The following ATG13 variants were observed in gnomAD, a reference collection of about 807,000 sequenced individuals.
The protein encoded by ATG13 is autophagy-related protein 13.
ATG13 carries 23 observed loss-of-function variants against 65.5 expected under a neutral mutation model. The ratio of observed to expected loss-of-function variants is 0.35; its 90% CI spans 0.25 to 0.50. The LOEUF (loss-of-function observed/expected upper bound fraction) is 0.50, where lower values mean the gene tolerates loss of function less well. Ranked by LOEUF, ATG13 falls within the 20% of genes least tolerant of loss-of-function variation. The pLI is 0.98. For missense variants in ATG13, 566 were observed against 677.0 expected (o/e 0.84, Z 1.82); for synonymous variants, 252 against 245.2 (o/e 1.03, Z -0.26).
chr11:46,657,358 G>A, intron 9 of ATG13, 166 bp from the exon 10 acceptor site: 1 of 926,678 alleles, frequency 1.1e-6, no homozygotes, highest in Non-Finnish European at 1.7e-6. Flanking sequence ...GTGTCCCAGA[G>A]CCAGTTTGTC....
intron 1 of ATG13, among the ~76,000 whole-genome samples, chr11:46,622,098 T>TATATATATATATATATATATAC (rs2047782514): frequency 7.7e-5 from 5 of 64,528 alleles, no homozygotes; most frequent in Non-Finnish European, 6.2e-5. Context: ...TATATATATA[T>TATATATATATATATATATATAC]ATATATATAT....
At chr11:46,660,103 C>G (rs1254955390) in intron 11 of ATG13, 1 of 152,240 alleles carries the variant, frequency 6.6e-6, no homozygotes, top group Non-Finnish European at 1.5e-5. Context: ...GCCAAGGCTG[C>G]TTTGGCTAAA....
chr11:46,645,496 ATAAG>A (rs1471440419), intron 4 of ATG13, 77 bp downstream of exon 4: 34 of 1,191,236 alleles, frequency 2.9e-5, no homozygotes, highest in Non-Finnish European at 3.9e-5. Flanking sequence ...AAGTGCAATA[ATAAG>A]TAATACCATT....
chr11:46,654,283 TTATATATATA>T (rs376147806), intron 7 of ATG13, among the ~76,000 whole-genome samples: 1 of 122,316 alleles, frequency 8.2e-6, no homozygotes. Flanking sequence ...TTTTAAAATT[TTATATATATA>T]TATATATATA....
At position 46,656,989 on chromosome 11, in the gene ATG13, T is replaced by A. The variant is rs1011560301; in HGVS notation, c.500-106T>A. The A allele has an allele frequency of 7.7e-6, 7 of 905,332 alleles. No individual in the cohort carries two copies. The African/African-American group carries it at 1.1e-4, about 15-fold the overall frequency. 56.1% of individuals were successfully genotyped at this position (905,332 alleles called of 1,614,324 possible). A position where few individuals can be genotyped will look rare whatever the true frequency, so the allele number is the denominator to read the frequency against. Reference sequence around the variant, plus strand: ...TGCTGCACTTAACATGCTAAGTGGATAATGCCAGAGATTACACAATAGGCC... The same window carrying A: ...TGCTGCACTTAACATGCTAAGTGGAAAATGCCAGAGATTACACAATAGGCC... On this transcript the variant is annotated intron_variant, in intron 8 of 18. Transcript: ENST00000683050.
chr11:46,646,996 G>A (rs937552103), intron 5 of ATG13, among the ~76,000 whole-genome samples: 2 of 152,086 alleles, frequency 1.3e-5, no homozygotes, highest in African/African-American at 4.8e-5. Flanking sequence ...CTGAGCTCAA[G>A]CGATCTGCCT....
intron 1 of ATG13, among the ~76,000 whole-genome samples, chr11:46,623,796 A>G (rs1366594841): frequency 6.6e-6 from 1 of 151,936 alleles, no homozygotes; most frequent in Non-Finnish European, 1.5e-5. Context: ...TTGGAAGAAT[A>G]TTACAGTGAA....
At chr11:46,638,996 ATTTT>A (rs527655119) in intron 2 of ATG13, among the ~76,000 whole-genome samples, 2 of 146,282 alleles carry the variant, frequency 1.4e-5, no homozygotes, top group African/African-American at 2.6e-5. Flanking sequence ...TTATTTATTT[ATTTT>A]TTTTTGAGAA....
chr11:46,644,708 A>T (rs958033313), intron 3 of ATG13, among the ~76,000 whole-genome samples: 1 of 152,078 alleles, frequency 6.6e-6, no homozygotes, highest in Non-Finnish European at 1.5e-5. Flanking sequence ...CATTTTGGAC[A>T]TCTTTCCTTA....
chr11:46,650,907 A>C (rs999189894), intron 7 of ATG13, among the ~76,000 whole-genome samples: 1 of 152,134 alleles, frequency 6.6e-6, no homozygotes, highest in Non-Finnish European at 1.5e-5. Flanking sequence ...CCCGGCCTGG[A>C]AGTCAAGACT....
rs932700641 is a variant in ATG13, at chr11:46,674,257, T to G, written c.*1925T>G. On this transcript the variant is annotated 3_prime_UTR_variant, in exon 19 of 19. Coordinates refer to ENST00000683050, the MANE Select transcript of ATG13 (RefSeq NM_001346311.2). ...ACCAGGGCTCCATCTGTGAAGAGTC[T>G]CAGCCATGACTTTGAGCTGAGCTTG... The G allele has an allele frequency of 1.4e-4, 21 of 152,288 alleles. No individual in the cohort carries two copies. The highest frequency in any genetic ancestry group is 2.9e-5 in the Non-Finnish European group (2 of 68,150). 9.4% of individuals were successfully genotyped at this position (152,288 alleles called of 1,614,324 possible). A position where few individuals can be genotyped will look rare whatever the true frequency, so the allele number is the denominator to read the frequency against.
chr11:46,649,544 A>G (rs1025332141), intron 6 of ATG13, among the ~76,000 whole-genome samples: 1 of 152,220 alleles, frequency 6.6e-6, no homozygotes, highest in Non-Finnish European at 1.5e-5. Flanking sequence ...CCATCCAATA[A>G]GATTTCCCCT....
rs201126071 is a variant in ATG13 at position 46,634,062 on chromosome 11, A to AT, written c.-14+3963dup. On this transcript the variant is annotated intron_variant, in intron 2 of 18. Transcript: ENST00000683050. ...CCTCTGATCGCCTTTTTGAAGTCACATAACCTATTTTCTCAGCTGAGTTTG... is the reference window on the plus strand; with the variant it reads ...CCTCTGATCGCCTTTTTGAAGTCACATTAACCTATTTTCTCAGCTGAGTTTG... Among the ~76,000 whole-genome samples, 958 of 151,896 alleles carry AT rather than the reference A, an allele frequency of 6.3e-3. 10 individuals are homozygous for AT. Among genetic ancestry groups the AT allele is most frequent in the African/African-American group, 0.015 (633 of 41,428 alleles).
intron 2 of ATG13, among the ~76,000 whole-genome samples, chr11:46,631,698 C>G: frequency 6.6e-6 from 1 of 152,054 alleles, no homozygotes; most frequent in East Asian, 1.9e-4. Flanking sequence ...ACACCCGACC[C>G]ACCCCACAGG....
rs116392133 is a variant in ATG13 at position 46,667,674 on chromosome 11, T to C, written c.1137-99T>C. On this transcript the variant is annotated intron_variant, in intron 14 of 18. Coordinates refer to ENST00000683050, the MANE Select transcript of ATG13 (RefSeq NM_001346311.2). ...TGATGGGCCAGTGGGGACCAACTCC[T>C]GCCCTAGGCCACAGCCCCACCAGAT... 1,497 of 868,328 alleles carry C rather than the reference T, an allele frequency of 1.7e-3. 9 individuals carry two copies. The highest frequency in any genetic ancestry group is 0.013 in the African/African-American group (780 of 59,418). The allele number at this position is 868,328 out of a possible 1,614,324, so 53.8% of individuals were successfully genotyped here.
At chr11:46,635,906 G>C (rs1287017431) in intron 2 of ATG13, among the ~76,000 whole-genome samples, 2 of 152,132 alleles carry the variant, frequency 1.3e-5, no homozygotes, top group African/African-American at 2.4e-5. Context: ...TTTAGTGTAA[G>C]ATAAGGGCAG....
At chr11:46,645,114 A>G (rs61884274) in intron 3 of ATG13, among the ~76,000 whole-genome samples, 21,570 of 152,190 alleles carry the variant, frequency 0.14, 1,593 homozygotes, top group Non-Finnish European at 0.17. Context: ...AATTCCTTTC[A>G]TTGGTTGACA....
intron 1 of ATG13, chr11:46,625,441 G>GTT (rs2049218599): frequency 6.6e-6 from 1 of 151,792 alleles, no homozygotes; most frequent in African/African-American, 2.4e-5. Context: ...CACCCAGCCA[G>GTT]TTTTTTGTAT....
chr11:46,630,778 G>C (rs1362649150), intron 2 of ATG13: 1 of 151,758 alleles, frequency 6.6e-6, no homozygotes, highest in African/African-American at 2.4e-5. Flanking sequence ...ATGTTCCCTG[G>C]CTGGTCTTGA....
Sources: allele counts gnomAD v4.1 joint callset (sites outside exome capture counted in the v4.1 genomes callset), GRCh38; gene constraint gnomAD v4.1.1; transcripts MANE v1.5; gene names NCBI Gene and HGNC (gene_info 2026-07-23, HGNC 2026-07-21).